Variants in SNCAIP observed in about 807,000 individuals in gnomAD.
SNCAIP encodes the protein synphilin-1.
SNCAIP carries 43 observed loss-of-function variants against 86.7 expected under a neutral mutation model. That is an observed-to-expected ratio of 0.50 (90% CI 0.39 to 0.64). The LOEUF is 0.64. SNCAIP is among the 30% of genes least tolerant of loss of function. SNCAIP has a pLI of 0.00. For synonymous variants in SNCAIP, 417 were observed against 427.2 expected (o/e 0.98, Z 0.29); for missense variants, 981 against 1,103.1 (o/e 0.89, Z 1.57).
intron 10 of SNCAIP, among the ~76,000 whole-genome samples, chr5:122,459,539 G>T (rs1030638101): frequency 2.6e-5 from 4 of 152,012 alleles, no homozygotes; most frequent in Non-Finnish European, 5.9e-5. Flanking sequence ...GTAATTGAAG[G>T]GTTCAGGGAG....
rs1212303157 is a variant in SNCAIP at position 122,330,117 on chromosome 5, C to CTTTTTTTTTTTTTT, written c.-47+17842_-47+17855dup. Among the ~76,000 whole-genome samples the CTTTTTTTTTTTTTT allele has an allele frequency of 6.7e-4, 65 of 96,828 alleles. 6 individuals carry two copies. The highest frequency in any genetic ancestry group is 2.6e-3 in the African/African-American group (61 of 23,260). The allele number at this position is 96,828 out of a possible 152,430, so 63.5% of individuals were successfully genotyped here. ...CTTACCTCCGTGTACAACTTCATTT[C>CTTTTTTTTTTTTTT]TTTTTTTTTTTTTTTTTTTTTTGAG... On this transcript the variant is annotated intron_variant, in intron 1 of 10. Transcript: ENST00000261368.
chr5:122,426,937 A>G (rs1216324089), intron 5 of SNCAIP, among the ~76,000 whole-genome samples: 1 of 152,032 alleles, frequency 6.6e-6, no homozygotes, highest in Non-Finnish European at 1.5e-5. Context: ...AGCTAATATT[A>G]TTGCTAGTGG....
At chr5:122,380,140 G>A (rs1766368872) in intron 1 of SNCAIP, among the ~76,000 whole-genome samples, 1 of 152,086 alleles carries the variant, frequency 6.6e-6, no homozygotes, top group Admixed American at 6.5e-5. Flanking sequence ...TGTACCTCTG[G>A]TAGAATTCGG....
At chr5:122,342,641 G>A (rs1433666290) in intron 1 of SNCAIP, among the ~76,000 whole-genome samples, 2 of 152,146 alleles carry the variant, frequency 1.3e-5, no homozygotes, top group Non-Finnish European at 2.9e-5. Flanking sequence ...TATAGGGAGG[G>A]TAAGGAACTT....
intron 1 of SNCAIP, among the ~76,000 whole-genome samples, chr5:122,325,958 C>G (rs181711245): frequency 6.6e-6 from 1 of 152,254 alleles, no homozygotes; most frequent in African/African-American, 2.4e-5. Flanking sequence ...TACAATATGT[C>G]TGGAAGAGAA....
chr5:122,381,742 G>T (rs1346667848), intron 1 of SNCAIP, among the ~76,000 whole-genome samples: 1 of 151,874 alleles, frequency 6.6e-6, no homozygotes, highest in Non-Finnish European at 1.5e-5. Flanking sequence ...GCCTGGTGGT[G>T]ACAAAATCTC....
At chr5:122,383,948 C>T (rs1767541948) in intron 1 of SNCAIP, among the ~76,000 whole-genome samples, 1 of 152,160 alleles carries the variant, frequency 6.6e-6, no homozygotes, top group African/African-American at 2.4e-5. Flanking sequence ...TCAGGGATAC[C>T]TGTGGGTAAG....
chr5:122,330,117 C>CTTTTTTTTTT lies in SNCAIP; in HGVS notation c.-47+17846_-47+17855dup, dbSNP rs1212303157. On this transcript the variant is annotated intron_variant, in intron 1 of 10. Coordinates refer to ENST00000261368, the MANE Select transcript of SNCAIP (RefSeq NM_005460.4). ...CTTACCTCCGTGTACAACTTCATTT[C>CTTTTTTTTTT]TTTTTTTTTTTTTTTTTTTTTTGAG... 6.8e-4 allele frequency among the ~76,000 whole-genome samples: 66 copies of CTTTTTTTTTT among 96,824 alleles called. 4 individuals are homozygous for CTTTTTTTTTT. Among genetic ancestry groups the CTTTTTTTTTT allele is most frequent in the African/African-American group, 2.8e-3 (64 of 23,256 alleles). The allele number at this position is 96,824 out of a possible 152,430, so 63.5% of individuals were successfully genotyped here.
chr5:122,317,768 C>T (rs1198821333), intron 1 of SNCAIP, among the ~76,000 whole-genome samples: 3 of 152,148 alleles, frequency 2.0e-5, no homozygotes, highest in African/African-American at 7.2e-5. Flanking sequence ...CACCTGTTTT[C>T]CCTGACAGGC....
At chr5:122,450,367 G>A (rs1783470932) in intron 9 of SNCAIP, among the ~76,000 whole-genome samples, 166 bp from the exon 10 acceptor site, 1 of 152,210 alleles carries the variant, frequency 6.6e-6, no homozygotes, top group East Asian at 1.9e-4. Flanking sequence ...CCTTATAGCT[G>A]ATACTATGGA....
At chr5:122,436,275 G>A (rs950595966) in intron 6 of SNCAIP, among the ~76,000 whole-genome samples, 4 of 151,452 alleles carry the variant, frequency 2.6e-5, no homozygotes, top group African/African-American at 9.7e-5. Context: ...GTAAAATGGA[G>A]ATAATAGAAC....
At chr5:122,343,704 G>T (rs1159514136) in intron 1 of SNCAIP, among the ~76,000 whole-genome samples, 4 of 152,156 alleles carry the variant, frequency 2.6e-5, no homozygotes, top group Non-Finnish European at 4.4e-5. Flanking sequence ...GTTGTTTGTT[G>T]ATCTCTGTGC....
chr5:122,341,106 G>A (rs1203552829), intron 1 of SNCAIP, among the ~76,000 whole-genome samples: 3 of 152,180 alleles, frequency 2.0e-5, no homozygotes, highest in Non-Finnish European at 4.4e-5. Context: ...TTTAAAGTTA[G>A]AATCTCTAGT....
intron 1 of SNCAIP, among the ~76,000 whole-genome samples, chr5:122,370,322 T>C (rs1375220319): frequency 6.6e-6 from 1 of 151,480 alleles, no homozygotes; most frequent in South Asian, 2.1e-4. Context: ...TTATTCTTTT[T>C]ATTGATATTT....
chr5:122,402,032 G>C (rs1771929670), intron 2 of SNCAIP, among the ~76,000 whole-genome samples: 1 of 151,626 alleles, frequency 6.6e-6, no homozygotes, highest in Non-Finnish European at 1.5e-5. Flanking sequence ...TTCATTAACT[G>C]TATTTAAACA....
chr5:122,407,349 G>A (rs1174889965), intron 3 of SNCAIP, among the ~76,000 whole-genome samples: 1 of 152,152 alleles, frequency 6.6e-6, no homozygotes, highest in East Asian at 1.9e-4. Context: ...GCAAGTATGA[G>A]GAAGAAAAAA....
chr5:122,449,121 C>T (rs1783155187), intron 8 of SNCAIP, among the ~76,000 whole-genome samples: 1 of 152,100 alleles, frequency 6.6e-6, no homozygotes, highest in African/African-American at 2.4e-5. Flanking sequence ...GCATTTAATA[C>T]ACCTAACCTG....
chr5:122,351,213 A>T (rs937536866), intron 1 of SNCAIP, among the ~76,000 whole-genome samples: 1 of 151,928 alleles, frequency 6.6e-6, no homozygotes, highest in Non-Finnish European at 1.5e-5. Flanking sequence ...TCATTAATAG[A>T]TGTGCTTATT....
chr5:122,426,547 T>C (rs1777405191), intron 5 of SNCAIP, among the ~76,000 whole-genome samples: 1 of 152,216 alleles, frequency 6.6e-6, no homozygotes, highest in East Asian at 1.9e-4. Context: ...TTCCATTTTA[T>C]TTAATTTTGC....
Sources: allele counts gnomAD v4.1 joint callset (sites outside exome capture counted in the v4.1 genomes callset), GRCh38; gene constraint gnomAD v4.1.1; transcripts MANE v1.5; gene names NCBI Gene and HGNC (gene_info 2026-07-23, HGNC 2026-07-21).